The following GPATCH2L variants were observed in gnomAD, a reference collection of about 807,000 sequenced individuals.
GPATCH2L encodes the protein G-patch domain containing 2 like, also known as G patch domain-containing protein 2-like.
A neutral mutation model predicts 57.4 loss-of-function variants in GPATCH2L; 31 were observed. That is an observed-to-expected ratio of 0.54 (90% CI 0.41 to 0.73). The LOEUF (loss-of-function observed/expected upper bound fraction) is 0.73, where lower values mean the gene tolerates loss of function less well. Ranked by LOEUF, GPATCH2L falls within the 30% of genes least tolerant of loss-of-function variation. The pLI is 0.00. For synonymous variants in GPATCH2L, 199 were observed against 210.7 expected, an observed-to-expected ratio of 0.94 and a Z score of 0.48; for missense variants, 481 against 599.9, an observed-to-expected ratio of 0.80 and a Z score of 2.07.
At chr14:76,195,766 G>T (rs1036377316) in intron 8 of GPATCH2L, 112 bp from the exon 9 acceptor site, 5 of 756,784 alleles carry the variant, frequency 6.6e-6, no homozygotes, top group Non-Finnish European at 9.2e-6. Flanking sequence ...AAAAGATGGT[G>T]CCCATTTTGT....
At chr14:76,231,616 A>AAC (rs1203145233) in intron 2 of GPATCH2L, among the ~76,000 whole-genome samples, 24 of 32,382 alleles carry the variant, frequency 7.4e-4, no homozygotes, top group African/African-American at 2.6e-3. Flanking sequence ...TTAGAAACTA[A>AAC]ACACATACAC....
intron 9 of GPATCH2L, among the ~76,000 whole-genome samples, chr14:76,201,085 T>A (rs1050315633): frequency 6.6e-6 from 1 of 152,216 alleles, no homozygotes; most frequent in African/African-American, 2.4e-5. Context: ...TCTTTAGTGA[T>A]CTTATTGAAA....
chr14:76,179,738 A>G (rs2139709285), intron 7 of GPATCH2L: 1 of 152,308 alleles, frequency 6.6e-6, no homozygotes, highest in South Asian at 2.1e-4. Flanking sequence ...ATGTTGTGGG[A>G]AAAGTCCAAA....
intron 3 of GPATCH2L, among the ~76,000 whole-genome samples, chr14:76,170,079 T>C (rs1242213591): frequency 6.6e-6 from 1 of 152,206 alleles, no homozygotes; most frequent in East Asian, 1.9e-4. Context: ...CAGCTGTTTG[T>C]GGTGTGTTTT....
chr14:76,184,744 C>T (rs1052273803), intron 8 of GPATCH2L, among the ~76,000 whole-genome samples: 1 of 152,104 alleles, frequency 6.6e-6, no homozygotes, highest in Admixed American at 6.5e-5. Flanking sequence ...TGGTTTTCAA[C>T]CCTGGCTGCA....
chr14:76,225,155 A>G (rs972664030), intron 1 of GPATCH2L, among the ~76,000 whole-genome samples: 6 of 152,210 alleles, frequency 3.9e-5, no homozygotes, highest in African/African-American at 1.4e-4. Context: ...GAGACCAAGA[A>G]TAGAGAAGAG....
intron 2 of GPATCH2L, among the ~76,000 whole-genome samples, chr14:76,232,883 C>T (rs563962202): frequency 1.2e-4 from 18 of 152,356 alleles, no homozygotes; most frequent in African/African-American, 4.3e-4. Flanking sequence ...GCCCGTGCAG[C>T]TGCTCTTTAG....
In GPATCH2L at chr14:76,202,664, C is replaced by T. The variant is rs1423144433; in HGVS notation, c.*813C>T. On this transcript the variant is annotated 3_prime_UTR_variant, in exon 10 of 10. Coordinates refer to ENST00000261530, the MANE Select transcript of GPATCH2L (RefSeq NM_017926.4). ...ATGTCCCAGTGTAAGCCTTTATGTC[C>T]TAAGCAGGACTTTATTGTTAGTATT... 1 of 152,562 alleles carries T rather than the reference C, an allele frequency of 6.6e-6. No homozygotes were observed. The highest frequency in any genetic ancestry group is 2.4e-5 in the African/African-American group (1 of 41,390). 9.5% of individuals were successfully genotyped at this position (152,562 alleles called of 1,614,324 possible).
chr14:76,169,380 C>T (rs574595322), intron 3 of GPATCH2L, among the ~76,000 whole-genome samples: 1 of 152,148 alleles, frequency 6.6e-6, no homozygotes, highest in Non-Finnish European at 1.5e-5. Context: ...TATTTATAAT[C>T]CAATTAAGGG....
chr14:76,184,022 T>TGG (rs113637385), intron 8 of GPATCH2L, among the ~76,000 whole-genome samples: 7,882 of 43,998 alleles, frequency 0.18, 307 homozygotes, highest in East Asian at 0.47. Context: ...ATCATTAGCA[T>TGG]GGTGTGTGTG....
At chr14:76,195,024 C>T (rs2139799188) in intron 8 of GPATCH2L, among the ~76,000 whole-genome samples, 1 of 152,170 alleles carries the variant, frequency 6.6e-6, no homozygotes, top group African/African-American at 2.4e-5. Context: ...TATATGCACA[C>T]CAGTTAAACA....
At chr14:76,228,219 TGAAACCCCA>T (rs1304719656) in intron 1 of GPATCH2L, among the ~76,000 whole-genome samples, 13 of 152,090 alleles carry the variant, frequency 8.5e-5, no homozygotes, top group African/African-American at 3.1e-4. Context: ...CTCTTTACCC[TGAAACCCCA>T]GAAGGAACAA....
rs776283452 is a variant in GPATCH2L at position 76,171,988 on chromosome 14, A to G, written c.873A>G (p.Thr291=). ...GATTGGATAAATTTTCAGATTCCAC[A>G]TTCCTTTTACCTTCTCGGCCAGCTC... ...DSGLDKFSDS[T]FLLPSRPAQR... is the part of the protein sequence containing the mutation. The change falls in exon 4 of 10, where the codon ACA becomes ACG. Residue 291 remains threonine (T), a synonymous_variant. Coordinates refer to ENST00000261530, the MANE Select transcript of GPATCH2L (RefSeq NM_017926.4). The G allele has an allele frequency of 2.5e-6, 4 of 1,612,566 alleles. No homozygotes were observed. Among genetic ancestry groups the G allele is most frequent in the South Asian group, 1.1e-5 (1 of 90,726 alleles).
Position 76,206,711 on chromosome 14 carries a change from C to T in GPATCH2L, c.*4860C>T, listed in dbSNP as rs2040379608. ...CCAGACCTACTGAATCCGAAACTCCCAGCGCAAGGCCCAGCAGTCTTCAAC... is the reference window on the plus strand; with the variant it reads ...CCAGACCTACTGAATCCGAAACTCCTAGCGCAAGGCCCAGCAGTCTTCAAC... On this transcript the variant is annotated 3_prime_UTR_variant, in exon 10 of 10. Transcript: ENST00000261530. 6.6e-6 allele frequency: 1 copy of T among 152,354 alleles called. No individual in the cohort carries two copies. The highest frequency in any genetic ancestry group is 1.5e-5 in the Non-Finnish European group (1 of 68,134). The allele number at this position is 152,354 out of a possible 1,614,324, so 9.4% of individuals were successfully genotyped here. A position where few individuals can be genotyped will look rare whatever the true frequency, so the allele number is the denominator to read the frequency against.
At chr14:76,166,764 G>A (rs955241952) in intron 3 of GPATCH2L, 37 bp downstream of exon 3, 6 of 1,369,078 alleles carry the variant, frequency 4.4e-6, no homozygotes, top group Non-Finnish European at 6.3e-6. Context: ...TTGGTTCCGT[G>A]TTTATGGAAA....
In GPATCH2L at chr14:76,204,173, G is replaced by T. The variant is rs1427676159; in HGVS notation, c.*2322G>T. 1 of 152,152 alleles carries T rather than the reference G, an allele frequency of 6.6e-6. No homozygotes were observed. Among genetic ancestry groups the T allele is most frequent in the Non-Finnish European group, 1.5e-5 (1 of 68,034 alleles). 9.4% of individuals were successfully genotyped at this position (152,152 alleles called of 1,614,324 possible). ...GACTTTCAGATTTTCTCTGCCCTGG[G>T]TTATAATCTCTTGTTTTTCAGTGAT... On this transcript the variant is annotated 3_prime_UTR_variant, in exon 10 of 10. Coordinates refer to ENST00000261530, the MANE Select transcript of GPATCH2L (RefSeq NM_017926.4).
chr14:76,225,451 C>A (rs1272269628), intron 1 of GPATCH2L, among the ~76,000 whole-genome samples: 2 of 151,480 alleles, frequency 1.3e-5, no homozygotes, highest in Non-Finnish European at 2.9e-5. Context: ...TTGAAAAAAA[C>A]CAAGTCCATA....
At chr14:76,187,957 A>G (rs2039831694) in intron 8 of GPATCH2L, among the ~76,000 whole-genome samples, 1 of 152,156 alleles carries the variant, frequency 6.6e-6, no homozygotes, top group Non-Finnish European at 1.5e-5. Flanking sequence ...CAAATAAGTG[A>G]GAACATGTGA....
chr14:76,224,556 A>C (rs889280423), intron 1 of GPATCH2L, among the ~76,000 whole-genome samples: 1 of 152,120 alleles, frequency 6.6e-6, no homozygotes, highest in Non-Finnish European at 1.5e-5. Context: ...TAAATTGGTA[A>C]AGATCAGTAA....
Sources: gnomAD v4.1 joint callset for allele counts (sites outside exome capture counted in the v4.1 genomes callset) on GRCh38, gnomAD v4.1.1 for gene constraint, MANE v1.5 for transcripts, NCBI Gene and HGNC (gene_info 2026-07-23, HGNC 2026-07-21) for gene names.